The following ABR variants were observed in gnomAD, a reference collection of about 807,000 sequenced individuals.
ABR encodes the protein active breakpoint cluster region-related protein.
In ABR, 35 loss-of-function variants were observed where a neutral mutation model predicts 107.2. That is an observed-to-expected ratio of 0.33 (90% CI 0.25 to 0.43). The LOEUF (loss-of-function observed/expected upper bound fraction) is 0.43. Ranked by LOEUF, ABR falls within the 20% of genes least tolerant of loss-of-function variation. ABR has a pLI of 1.00. For missense variants in ABR, 815 were observed against 1,115.2 expected (o/e 0.73, Z 3.83); for synonymous variants, 498 against 462.0 (o/e 1.08, Z -1.00).
intron 4 of ABR, among the ~76,000 whole-genome samples, chr17:1,086,767 C>T (rs2440031): frequency 0.82 from 124,724 of 152,112 alleles, 51,444 homozygotes; most frequent in African/African-American, 0.89. Flanking sequence ...TCCCAAAGTG[C>T]TGGGATTACG....
chr17:1,064,408 CTGT>C (rs564299875), intron 10 of ABR, among the ~76,000 whole-genome samples: 3,906 of 31,918 alleles, frequency 0.12, no homozygotes, highest in East Asian at 0.17. Flanking sequence ...CCTCTAGACA[CTGT>C]TGTTATGTGA....
At chr17:1,030,733 G>C (rs561640797) in intron 16 of ABR, among the ~76,000 whole-genome samples, 1 of 152,384 alleles carries the variant, frequency 6.6e-6, no homozygotes, top group East Asian at 1.9e-4. Context: ...GTGAGCCTCA[G>C]GAGGAGCTGC....
chr17:1,175,991 T>C (rs144303653), intron 1 of ABR, among the ~76,000 whole-genome samples: 1,605 of 151,986 alleles, frequency 0.011, 28 homozygotes, highest in African/African-American at 0.037. Flanking sequence ...CTCGGGAGGC[T>C]GAGGCAGGAG....
Position 1,150,055 on chromosome 17 carries a change from G to C in ABR, c.62-24688C>G, listed in dbSNP as rs1264758913. 2.6e-5 allele frequency among the ~76,000 whole-genome samples: 4 copies of C among 152,120 alleles called. No homozygotes were observed. The highest frequency in any genetic ancestry group is 9.7e-5 in the African/African-American group (4 of 41,412). On this transcript the variant is annotated intron_variant, in intron 1 of 22. Coordinates refer to ENST00000302538, the MANE Select transcript of ABR (RefSeq NM_021962.5). The surrounding 1 kb of genome is among the most constrained non-coding windows in gnomAD (Gnocchi z 4.8). ...TGTCGTCACTGACGTTGTCACTGCT[G>C]TTGTCCCTGTTGTTATGATTTCTCC... is the stretch of plus-strand genomic sequence containing the variant.
chr17:1,160,103 A>T (rs190457716), intron 1 of ABR, among the ~76,000 whole-genome samples: 1 of 152,132 alleles, frequency 6.6e-6, no homozygotes, highest in African/African-American at 2.4e-5. Flanking sequence ...ACTTACACCA[A>T]TAGGAGCAGA....
chr17:1,108,883 G>T (rs773369084), intron 2 of ABR: 1 of 1,525,966 alleles, frequency 6.6e-7, no homozygotes, highest in Admixed American at 2.1e-5. Flanking sequence ...GCGCACCTTC[G>T]GCAGCGCCGG....
intron 2 of ABR, among the ~76,000 whole-genome samples, chr17:1,108,368 C>T (rs1456541469): frequency 6.6e-6 from 1 of 152,136 alleles, no homozygotes; most frequent in Non-Finnish European, 1.5e-5. Context: ...AGCCCCAGAG[C>T]GGGTGGGCCA....
At chr17:1,075,627 C>G (rs975509124) in intron 6 of ABR, among the ~76,000 whole-genome samples, 1 of 152,254 alleles carries the variant, frequency 6.6e-6, no homozygotes, top group Admixed American at 6.5e-5. Context: ...CAAATCTCTG[C>G]AAGACCACAA....
intron 1 of ABR, among the ~76,000 whole-genome samples, chr17:1,171,713 CCT>C (rs2041717224): frequency 6.6e-6 from 1 of 152,126 alleles, no homozygotes; most frequent in Non-Finnish European, 1.5e-5. Context: ...GGGCGGATCA[CCT>C]GAGGTCAGGA....
chr17:1,074,458 C>A (rs569428142), intron 6 of ABR, among the ~76,000 whole-genome samples: 1 of 151,266 alleles, frequency 6.6e-6, no homozygotes, highest in East Asian at 1.9e-4. Context: ...GAGTCTAGCA[C>A]ACCTGCCACA....
chr17:1,119,874 C>G (rs147537398), intron 2 of ABR, among the ~76,000 whole-genome samples: 350 of 152,252 alleles, frequency 2.3e-3, no homozygotes, highest in Admixed American at 5.4e-3. Flanking sequence ...TGGTCTTGGA[C>G]AAACAATAAT....
chr17:1,151,100 T>C (rs2040775519), intron 1 of ABR, among the ~76,000 whole-genome samples: 1 of 152,288 alleles, frequency 6.6e-6, no homozygotes, highest in East Asian at 1.9e-4. Flanking sequence ...ACATAACCTC[T>C]CTGTGCCTCT....
intron 7 of ABR, among the ~76,000 whole-genome samples, chr17:1,072,977 C>T (rs978642249): frequency 4.6e-5 from 7 of 152,042 alleles, no homozygotes; most frequent in South Asian, 2.1e-4. Flanking sequence ...GTCAGAAGTT[C>T]GAGACCAGCC....
chr17:1,195,302 CTCA>C (rs2042535282), intron 1 of ABR, among the ~76,000 whole-genome samples: 1 of 103,180 alleles, frequency 9.7e-6, no homozygotes, highest in Admixed American at 1.3e-4. Flanking sequence ...ATGAGACTGT[CTCA>C]AAAAAAAAAA....
At chr17:1,178,843 A>G (rs1282307024) in intron 1 of ABR, among the ~76,000 whole-genome samples, 9 of 133,756 alleles carry the variant, frequency 6.7e-5, no homozygotes, top group Non-Finnish European at 1.4e-4. Context: ...ACGGAGCAGG[A>G]GCAAGGTGCG....
At chr17:1,104,080 G>A (rs912161692) in intron 2 of ABR, among the ~76,000 whole-genome samples, 4 of 152,102 alleles carry the variant, frequency 2.6e-5, no homozygotes, top group Admixed American at 6.5e-5. Flanking sequence ...GCTCCGGAGC[G>A]AGTTCTCTAA....
chr17:1,125,771 G>A (rs370500455), intron 1 of ABR: 2 of 237,034 alleles, frequency 8.4e-6, no homozygotes, highest in East Asian at 1.8e-4. Flanking sequence ...ATAAGGAGGT[G>A]GGGGGGGCCG....
chr17:1,043,604 T>A (rs992502612), intron 16 of ABR, among the ~76,000 whole-genome samples: 3 of 152,358 alleles, frequency 2.0e-5, no homozygotes, highest in Admixed American at 1.3e-4. Context: ...CTTAGCTCAC[T>A]CTAGCCTCCT....
At position 1,084,105 on chromosome 17, in the gene ABR, C is replaced by T. The variant is rs1188455422; in HGVS notation, c.532-478G>A. 6.6e-6 allele frequency among the ~76,000 whole-genome samples: 1 copy of T among 152,198 alleles called. No individual in the cohort carries two copies. The highest frequency in any genetic ancestry group is 1.5e-5 in the Non-Finnish European group (1 of 68,042). On this transcript the variant is annotated intron_variant, in intron 4 of 22. Coordinates refer to ENST00000302538, the MANE Select transcript of ABR (RefSeq NM_021962.5). The surrounding 1 kb of genome is among the most constrained non-coding windows in gnomAD (Gnocchi z 4.2). ...GCGTGGGGAACGACATTTAAAGGTG[C>T]TGTCTTGGCCGGGCGTGGCGGCTCA...
Sources: gnomAD v4.1 joint callset for allele counts (sites outside exome capture counted in the v4.1 genomes callset) on GRCh38, gnomAD v4.1.1 for gene constraint, Gnocchi (gnomAD v3.1) non-coding constraint, MANE v1.5 for transcripts, NCBI Gene and HGNC (gene_info 2026-07-23, HGNC 2026-07-21) for gene names.